SLAIN1: variants seen among roughly 807,000 people sequenced by gnomAD.
SLAIN1 encodes the protein SLAIN motif-containing protein 1.
Under a neutral mutation model 55.4 loss-of-function variants are expected in SLAIN1, and 17 were observed. The ratio of observed to expected loss-of-function variants is 0.31; its 90% CI spans 0.21 to 0.46. The LOEUF (loss-of-function observed/expected upper bound fraction) is 0.46. Among genes scored for constraint, SLAIN1 ranks in the 20% least tolerant of loss-of-function variants. The pLI is 1.00. For synonymous variants in SLAIN1, 348 were observed against 337.4 expected, an observed-to-expected ratio of 1.03 and a Z score of -0.35; for missense variants, 682 against 785.1, an observed-to-expected ratio of 0.87 and a Z score of 1.57.
At chr13:77,718,642 G>A (rs985704390) in intron 1 of SLAIN1, among the ~76,000 whole-genome samples, 4 of 152,094 alleles carry the variant, frequency 2.6e-5, no homozygotes, top group Admixed American at 6.6e-5. Context: ...TAGCTTTGTT[G>A]GAAAGAAGAT....
intron 1 of SLAIN1, among the ~76,000 whole-genome samples, chr13:77,707,752 G>C (rs2091105144): frequency 6.6e-6 from 1 of 152,168 alleles, no homozygotes; most frequent in Non-Finnish European, 1.5e-5. Flanking sequence ...AAAGAAATGG[G>C]ACCAGAATTC....
chr13:77,703,889 T>A (rs919921011), intron 1 of SLAIN1, among the ~76,000 whole-genome samples: 1 of 132,658 alleles, frequency 7.5e-6, no homozygotes, highest in South Asian at 2.4e-4. Context: ...AAAAAAAAAA[T>A]TATATATATA....
chr13:77,749,797 T>C (rs1874082050), intron 4 of SLAIN1, among the ~76,000 whole-genome samples: 1 of 152,226 alleles, frequency 6.6e-6, no homozygotes, highest in African/African-American at 2.4e-5. Context: ...ATCACAGCTT[T>C]GTTCCAAGGG....
chr13:77,709,751 G>A (rs2091127964), intron 1 of SLAIN1, among the ~76,000 whole-genome samples: 1 of 152,026 alleles, frequency 6.6e-6, no homozygotes, highest in Admixed American at 6.6e-5. Flanking sequence ...GCTCCTGAAG[G>A]AAGCACTAAA....
chr13:77,699,542 G>A lies in SLAIN1; in HGVS notation c.626+1003G>A, dbSNP rs189820758. Among the ~76,000 whole-genome samples the A allele has an allele frequency of 1.1e-4, 16 of 152,102 alleles. No homozygotes were observed. In the East Asian group the frequency reaches 3.1e-3, roughly 29 times the overall value. On this transcript the variant is annotated intron_variant, in intron 1 of 6. Coordinates refer to ENST00000418532, the MANE Select transcript of SLAIN1 (RefSeq NM_001242868.2). ...AAGCTGTGTTTTCATTACTTTCTTT[G>A]TGTCTCTGTTGCATGATTGCATGGA...
chr13:77,707,388 C>G (rs892434092), intron 1 of SLAIN1, among the ~76,000 whole-genome samples: 1 of 151,810 alleles, frequency 6.6e-6, no homozygotes, highest in African/African-American at 2.4e-5. Flanking sequence ...GTAACATTTT[C>G]TTTTAGATGA....
At chr13:77,707,435 C>T (rs535924652) in intron 1 of SLAIN1, among the ~76,000 whole-genome samples, 3 of 151,814 alleles carry the variant, frequency 2.0e-5, no homozygotes, top group East Asian at 1.9e-4. Context: ...TCATCTGTTC[C>T]CTGCATTGTT....
At chr13:77,760,300 G>A (rs1874913865) in intron 5 of SLAIN1, among the ~76,000 whole-genome samples, 1 of 152,102 alleles carries the variant, frequency 6.6e-6, no homozygotes, top group Admixed American at 6.5e-5. Flanking sequence ...CATTTTATAG[G>A]TTTTGCTACT....
At chr13:77,703,892 T>C (rs1594247928) in intron 1 of SLAIN1, among the ~76,000 whole-genome samples, 3 of 135,542 alleles carry the variant, frequency 2.2e-5, no homozygotes, top group South Asian at 4.6e-4. Context: ...AAAAAAATTA[T>C]ATATATATAT....
chr13:77,760,176 T>G (rs911601187), intron 5 of SLAIN1, among the ~76,000 whole-genome samples: 2 of 152,194 alleles, frequency 1.3e-5, no homozygotes, highest in African/African-American at 4.8e-5. Flanking sequence ...TTAAAAAATT[T>G]AAAAACTTCT....
intron 6 of SLAIN1, among the ~76,000 whole-genome samples, chr13:77,762,176 G>A (rs1284098405): frequency 1.3e-5 from 2 of 152,174 alleles, no homozygotes; most frequent in Admixed American, 6.6e-5. Context: ...TATTCAGTAA[G>A]TTTTGGCTTA....
chr13:77,737,881 C>T (rs904252510), intron 2 of SLAIN1, among the ~76,000 whole-genome samples: 1 of 152,040 alleles, frequency 6.6e-6, no homozygotes, highest in Non-Finnish European at 1.5e-5. Flanking sequence ...GGAGAACAGT[C>T]ACCATATCTT....
chr13:77,744,324 A>G lies in SLAIN1; in HGVS notation c.808A>G (p.Ile270Val), dbSNP rs774385842. The G allele has an allele frequency of 6.2e-7, 1 of 1,612,854 alleles. No homozygotes were observed. Among genetic ancestry groups the G allele is most frequent in the Admixed American group, 1.7e-5 (1 of 59,856 alleles). ...RGSPLSPQSS[I>V]DSELSTSELE... is the part of the protein sequence containing the mutation. ...CTCCCCACTCAGTCCCCAGTCATCT[A>G]TCGACAGTGAGCTGAGTACTTCAGA... The change falls in exon 3 of 7, where the codon ATC (isoleucine) becomes GTC (valine). Residue 270 changes from isoleucine (I) to valine (V), a missense_variant. Ile to Val is a conservative substitution (Grantham distance 29, BLOSUM62 3). This residue lies in a region of SLAIN1 where 401 missense variants were observed against 417.3 expected (regional missense o/e 0.96). Coordinates refer to ENST00000418532, the MANE Select transcript of SLAIN1 (RefSeq NM_001242868.2).
intron 1 of SLAIN1, among the ~76,000 whole-genome samples, chr13:77,710,718 C>G (rs905027376): frequency 2.0e-5 from 3 of 152,214 alleles, no homozygotes; most frequent in Non-Finnish European, 4.4e-5. Flanking sequence ...GACTTGAACT[C>G]AGCTGTGGAC....
At position 77,764,225 on chromosome 13, in the gene SLAIN1, AG is replaced by A. The variant is rs1245948336; in HGVS notation, c.*1006del. On this transcript the variant is annotated 3_prime_UTR_variant, in exon 7 of 7. Coordinates refer to ENST00000418532, the MANE Select transcript of SLAIN1 (RefSeq NM_001242868.2). ...TGTTCAGAAATAAAGACTCTATTTC[AG>A]CAATATCAGGTCATGCATGAATGTA... is the stretch of plus-strand genomic sequence containing the variant. 1 of 152,668 alleles carries A rather than the reference AG, an allele frequency of 6.6e-6. No individual in the cohort carries two copies. Among genetic ancestry groups the A allele is most frequent in the Non-Finnish European group, 1.5e-5 (1 of 68,034 alleles). The allele number at this position is 152,668 out of a possible 1,614,324, so 9.5% of individuals were successfully genotyped here.
chr13:77,742,485 A>G (rs926794322), intron 2 of SLAIN1, among the ~76,000 whole-genome samples: 1 of 151,994 alleles, frequency 6.6e-6, no homozygotes, highest in African/African-American at 2.4e-5. Flanking sequence ...TGGAAACACA[A>G]TAGTCATTCT....
chr13:77,708,574 A>C (rs2091113482), intron 1 of SLAIN1, among the ~76,000 whole-genome samples: 1 of 152,210 alleles, frequency 6.6e-6, no homozygotes. Context: ...AACAGGCAGC[A>C]ATCTTTGCTG....
rs568264149 is a variant in SLAIN1 at position 77,712,685 on chromosome 13, T to A, written c.627-6847T>A. Reference sequence around the variant, plus strand: ...ATCCCCATCAAGCTACCATTGACTTTCTTCACATAATTAGAAAAAACTATT... The same window carrying A: ...ATCCCCATCAAGCTACCATTGACTTACTTCACATAATTAGAAAAAACTATT... On this transcript the variant is annotated intron_variant, in intron 1 of 6. Coordinates refer to ENST00000418532, the MANE Select transcript of SLAIN1 (RefSeq NM_001242868.2). Among the ~76,000 whole-genome samples, 4 of 152,282 alleles carry A rather than the reference T, an allele frequency of 2.6e-5. No individual in the cohort carries two copies. In the East Asian group the frequency reaches 7.7e-4, roughly 29 times the overall value.
chr13:77,714,560 G>A (rs1039281455), intron 1 of SLAIN1, among the ~76,000 whole-genome samples: 4 of 152,072 alleles, frequency 2.6e-5, no homozygotes, highest in African/African-American at 9.7e-5. Context: ...CTGCAGTGAG[G>A]TGTGTTTGTC....
Sources: gnomAD v4.1 joint callset for allele counts (sites outside exome capture counted in the v4.1 genomes callset) on GRCh38, gnomAD v4.1.1 for gene constraint, gnomAD v4.1.1 regional missense constraint, MANE v1.5 for transcripts, NCBI Gene and HGNC (gene_info 2026-07-23, HGNC 2026-07-21) for gene names.